Variants in FAM210A observed in about 807,000 individuals in gnomAD.
The protein encoded by FAM210A is family with sequence similarity 210 member A.
In FAM210A, 13 loss-of-function variants were observed where a neutral mutation model predicts 25.3. The ratio of observed to expected loss-of-function variants is 0.51; its 90% CI spans 0.33 to 0.82. The LOEUF is 0.82. FAM210A is among the 40% of genes least tolerant of loss of function. The pLI is 0.02. For synonymous variants in FAM210A, 125 were observed against 118.7 expected, an observed-to-expected ratio of 1.05 and a Z score of -0.35; for missense variants, 319 against 323.2, an observed-to-expected ratio of 0.99 and a Z score of 0.10.
chr18:13,689,695 C>T (rs757828383), intron 1 of FAM210A, among the ~76,000 whole-genome samples: 25 of 151,892 alleles, frequency 1.6e-4, no homozygotes, highest in Non-Finnish European at 2.8e-4. Context: ...AAAAGTATAC[C>T]GATTGGAAAG....
chr18:13,682,903 C>T (rs1038920749), intron 1 of FAM210A, among the ~76,000 whole-genome samples: 1 of 152,110 alleles, frequency 6.6e-6, no homozygotes. Flanking sequence ...TCTCATAAAA[C>T]ACACCATTTA....
At chr18:13,685,783 T>C (rs2043592101) in intron 1 of FAM210A, among the ~76,000 whole-genome samples, 1 of 152,218 alleles carries the variant, frequency 6.6e-6, no homozygotes, top group African/African-American at 2.4e-5. Context: ...CCTCAGACCC[T>C]GGTCACTCAT....
intron 1 of FAM210A, among the ~76,000 whole-genome samples, chr18:13,706,183 G>A (rs535952746): frequency 8.7e-4 from 132 of 152,158 alleles, no homozygotes; most frequent in Non-Finnish European, 1.3e-3. Context: ...ACACCCACTG[G>A]AACCCTCAAG....
intron 1 of FAM210A, among the ~76,000 whole-genome samples, chr18:13,709,762 T>C (rs1395542289): frequency 2.6e-5 from 4 of 152,264 alleles, no homozygotes; most frequent in African/African-American, 7.2e-5. Flanking sequence ...AATAAATGTT[T>C]GTTGAGGGAA....
chr18:13,701,728 T>C (rs941346021), intron 1 of FAM210A, among the ~76,000 whole-genome samples: 1 of 152,180 alleles, frequency 6.6e-6, no homozygotes, highest in Non-Finnish European at 1.5e-5. Flanking sequence ...CACAATGCAC[T>C]GAAGTGCATT....
rs1402459302 is a variant in FAM210A at position 13,681,811 on chromosome 18, A to T, written c.267T>A (p.His89Gln). The change falls in exon 2 of 4, where the codon CAT (histidine) becomes CAA (glutamine). Residue 89 changes from histidine (H) to glutamine (Q), a missense_variant. Physicochemically the swap from His to Gln is conservative, Grantham distance 24. Coordinates refer to ENST00000651643, the MANE Select transcript of FAM210A (RefSeq NM_152352.4). ...ATGAAAAAACCCTCCTGAATGAAAC[A>T]TGTTGCTTCCCTTGCTTATGGCGAA... The part of the protein sequence containing the change: ...GVLRHKQGKQ[H>Q]VSFRRVFSSS... 11 of 1,614,064 alleles carry T rather than the reference A, an allele frequency of 6.8e-6. No individual in the cohort carries two copies. Among genetic ancestry groups the T allele is most frequent in the Non-Finnish European group, 9.3e-6 (11 of 1,180,044 alleles).
At chr18:13,694,385 C>A (rs1023096348) in intron 1 of FAM210A, among the ~76,000 whole-genome samples, 3 of 152,134 alleles carry the variant, frequency 2.0e-5, no homozygotes, top group Non-Finnish European at 4.4e-5. Flanking sequence ...TCATATGGAA[C>A]CAAAAAAGAG....
At chr18:13,685,067 A>G (rs113572470) in intron 1 of FAM210A, among the ~76,000 whole-genome samples, 2 of 152,220 alleles carry the variant, frequency 1.3e-5, no homozygotes, top group Non-Finnish European at 2.9e-5. Flanking sequence ...TTTGAGGACT[A>G]AACTTTGACC....
chr18:13,697,170 G>C (rs1426746457), intron 1 of FAM210A, among the ~76,000 whole-genome samples: 1 of 152,062 alleles, frequency 6.6e-6, no homozygotes, highest in African/African-American at 2.4e-5. Context: ...GCCTAACTAT[G>C]CATTTCTCAG....
chr18:13,677,421 GGTC>G (rs2043514489), intron 2 of FAM210A, among the ~76,000 whole-genome samples: 1 of 152,142 alleles, frequency 6.6e-6, no homozygotes, highest in African/African-American at 2.4e-5. Flanking sequence ...CGCGTGAGAG[GGTC>G]GTGATCGACT....
chr18:13,717,988 C>T (rs1170542081), intron 1 of FAM210A, among the ~76,000 whole-genome samples: 1 of 152,162 alleles, frequency 6.6e-6, no homozygotes, highest in Non-Finnish European at 1.5e-5. Context: ...GAAGACAGCG[C>T]CCTCACTCAT....
Position 13,664,176 on chromosome 18 carries a change from G to C in FAM210A, c.*2304C>G, listed in dbSNP as rs577411507. On this transcript the variant is annotated 3_prime_UTR_variant, in exon 4 of 4. Coordinates refer to ENST00000651643, the MANE Select transcript of FAM210A (RefSeq NM_152352.4). ...CACATCTTCAGAGCATTTTTTACTAGAGAATTTCATATCATTCAAGCAGTA... is the reference window on the plus strand; with the variant it reads ...CACATCTTCAGAGCATTTTTTACTACAGAATTTCATATCATTCAAGCAGTA... 2.6e-5 allele frequency: 4 copies of C among 152,254 alleles called. No individual in the cohort carries two copies. In the East Asian group the frequency reaches 7.7e-4, roughly 29 times the overall value. 9.4% of individuals were successfully genotyped at this position (152,254 alleles called of 1,614,324 possible).
chr18:13,693,971 A>G (rs558620617), intron 1 of FAM210A, among the ~76,000 whole-genome samples: 11 of 152,350 alleles, frequency 7.2e-5, no homozygotes, highest in African/African-American at 2.6e-4. Context: ...ATGATTGTAG[A>G]TTTAGAAAAC....
At chr18:13,725,067 G>C (rs1379247833) in intron 1 of FAM210A, among the ~76,000 whole-genome samples, 1 of 152,080 alleles carries the variant, frequency 6.6e-6, no homozygotes, top group Non-Finnish European at 1.5e-5. Flanking sequence ...CACTGCACCC[G>C]GTGTTTAAAA....
intron 2 of FAM210A, among the ~76,000 whole-genome samples, chr18:13,680,462 T>A (rs1354532279): frequency 6.6e-6 from 1 of 152,106 alleles, no homozygotes; most frequent in Admixed American, 6.5e-5. Flanking sequence ...CAGAACAGCA[T>A]CAATTACACA....
chr18:13,687,469 C>G (rs2043607022), intron 1 of FAM210A, among the ~76,000 whole-genome samples: 1 of 152,158 alleles, frequency 6.6e-6, no homozygotes, highest in African/African-American at 2.4e-5. Flanking sequence ...AACAAAATCT[C>G]AGGTATTGGA....
At chr18:13,707,365 C>T (rs1056729569) in intron 1 of FAM210A, among the ~76,000 whole-genome samples, 25 of 152,182 alleles carry the variant, frequency 1.6e-4, no homozygotes, top group African/African-American at 5.3e-4. Context: ...CATAATCAAA[C>T]TAAAACTTTA....
At chr18:13,699,614 C>T (rs972924335) in intron 1 of FAM210A, among the ~76,000 whole-genome samples, 6 of 152,186 alleles carry the variant, frequency 3.9e-5, no homozygotes, top group Non-Finnish European at 8.8e-5. Context: ...ATCCACAGTT[C>T]CCTTGCATCC....
chr18:13,725,053 G>A (rs1044787455), intron 1 of FAM210A, among the ~76,000 whole-genome samples: 1 of 152,170 alleles, frequency 6.6e-6, no homozygotes, highest in African/African-American at 2.4e-5. Context: ...TTACAGAAGT[G>A]AGCCACTGCA....
Sources: gnomAD v4.1 joint callset for allele counts (sites outside exome capture counted in the v4.1 genomes callset) on GRCh38, gnomAD v4.1.1 for gene constraint, MANE v1.5 for transcripts, NCBI Gene and HGNC (gene_info 2026-07-23, HGNC 2026-07-21) for gene names.